Variants in PFKP observed in about 807,000 individuals in gnomAD.
PFKP encodes the protein phosphofructokinase, platelet.
Under a neutral mutation model 94.3 loss-of-function variants are expected in PFKP, and 101 were observed. The observed-to-expected ratio is 1.07, with a 90% CI of 0.91 to 1.26. The LOEUF is 1.26. Ranked by LOEUF, PFKP falls within the 50% of genes most tolerant of loss-of-function variation. The probability of loss-of-function intolerance (pLI) is 0.00; values close to 1 mark genes in which losing one functional copy is unlikely to be tolerated. For missense variants in PFKP, 1,145 were observed against 1,103.3 expected, an observed-to-expected ratio of 1.04 and a Z score of -0.53; for synonymous variants, 573 against 432.6, an observed-to-expected ratio of 1.32 and a Z score of -4.03.
chr10:3,073,632 A>G (rs1034817095), intron 1 of PFKP, among the ~76,000 whole-genome samples: 2 of 151,916 alleles, frequency 1.3e-5, no homozygotes, highest in Admixed American at 1.3e-4. Flanking sequence ...GACTTTGACC[A>G]GGATTTTGAC....
intron 10 of PFKP, among the ~76,000 whole-genome samples, chr10:3,111,826 T>C (rs1293320776): frequency 6.6e-6 from 1 of 152,106 alleles, no homozygotes; most frequent in Non-Finnish European, 1.5e-5. Context: ...GCTGGTGTGT[T>C]CTGTTTTGTT....
chr10:3,086,637 G>C (rs187203277), intron 2 of PFKP, among the ~76,000 whole-genome samples: 67 of 152,280 alleles, frequency 4.4e-4, no homozygotes, highest in African/African-American at 1.5e-3. Context: ...CAAGGCCGAG[G>C]GACCCTGCAC....
intron 16 of PFKP, among the ~76,000 whole-genome samples, chr10:3,127,599 T>C (rs902350689): frequency 2.0e-5 from 3 of 152,154 alleles, no homozygotes; most frequent in African/African-American, 7.2e-5. Context: ...TTAGATCACA[T>C]TTAGAGAGAC....
At chr10:3,115,280 A>G (rs1003760804) in intron 13 of PFKP, among the ~76,000 whole-genome samples, 1,717 of 74,436 alleles carry the variant, frequency 0.023, 115 homozygotes, top group African/African-American at 0.095. Flanking sequence ...TGTGTGTCCC[A>G]CGGCGGAGGA....
intron 16 of PFKP, among the ~76,000 whole-genome samples, chr10:3,128,676 G>A (rs899153904): frequency 2.1e-4 from 32 of 152,296 alleles, no homozygotes; most frequent in African/African-American, 7.2e-4. Context: ...TCCCGCTCCA[G>A]GGCCTTCAGC....
intron 17 of PFKP, among the ~76,000 whole-genome samples, chr10:3,131,623 A>AT (rs1419036541): frequency 6.6e-6 from 1 of 151,716 alleles, no homozygotes; most frequent in Non-Finnish European, 1.5e-5. Context: ...CGCCTGGCTA[A>AT]TTTTTTGTAT....
At chr10:3,089,782 G>A (rs141203896) in intron 2 of PFKP, among the ~76,000 whole-genome samples, 5,386 of 150,674 alleles carry the variant, frequency 0.036, 129 homozygotes, top group South Asian at 0.085. Context: ...AACTGTAGTC[G>A]CTCCATAGTA....
chr10:3,132,832 T>C (rs9423485), intron 18 of PFKP, among the ~76,000 whole-genome samples: 44,907 of 151,852 alleles, frequency 0.3, 6,844 homozygotes, highest in African/African-American at 0.36. Flanking sequence ...ATAACCAAGG[T>C]GGCTACTGAG....
chr10:3,129,533 C>T, intron 16 of PFKP: 2 of 427,616 alleles, frequency 4.7e-6, no homozygotes, highest in Non-Finnish European at 8.5e-6. Flanking sequence ...TTTCCGTCCC[C>T]TTCTATGGGG....
intron 2 of PFKP, among the ~76,000 whole-genome samples, chr10:3,084,153 G>A (rs563870272): frequency 1.3e-5 from 2 of 152,288 alleles, no homozygotes; most frequent in Admixed American, 6.5e-5. Context: ...ATCAGGCACC[G>A]ACTGAGCTAA....
Position 3,067,684 on chromosome 10 carries a change from T to A in PFKP, c.89T>A (p.Leu30Gln), listed in dbSNP as rs1308796955. ...LSGAGKAIGV[L>Q]TSGGDAQGMN... ...GGGGCCGGCAAGGCCATCGGCGTGC[T>A]GACCAGCGGCGGGGATGCTCAAGGT... Residue 30 changes from leucine to glutamine, a missense_variant, in exon 1 of 22, where the codon CTG becomes CAG. By Grantham distance (113) the Leu-to-Gln change is moderately radical. Transcript: ENST00000381125. 5.3e-6 allele frequency: 8 copies of A among 1,523,216 alleles called. No individual in the cohort carries two copies. The Admixed American group carries it at 1.6e-4, about 31-fold the overall frequency. 94.4% of individuals were successfully genotyped at this position (1,523,216 alleles called of 1,614,324 possible).
At chr10:3,116,432 C>A (rs1836832467) in intron 13 of PFKP, among the ~76,000 whole-genome samples, 1 of 152,136 alleles carries the variant, frequency 6.6e-6, no homozygotes, top group African/African-American at 2.4e-5. Context: ...GAAATTTTCC[C>A]TTAATCTTTT....
At chr10:3,136,187 C>G (rs1170092759) in intron 21 of PFKP, among the ~76,000 whole-genome samples, 1 of 152,150 alleles carries the variant, frequency 6.6e-6, no homozygotes, top group African/African-American at 2.4e-5. Context: ...ATCGCTTGAA[C>G]CCGGGAGGCA....
chr10:3,114,630 C>A lies in PFKP; in HGVS notation c.1371+1112C>A, dbSNP rs79554756. Among the ~76,000 whole-genome samples, 160 of 152,312 alleles carry A rather than the reference C, an allele frequency of 1.1e-3. 2 individuals carry two copies. The East Asian group carries it at 0.025, about 24-fold the overall frequency. ...TGCCGAGGAGGGCCTGCTGGAGATC[C>A]CCCAGACAGCAATGCTGGGGAAGGT... On this transcript the variant is annotated intron_variant, in intron 13 of 21. Coordinates refer to ENST00000381125, the MANE Select transcript of PFKP (RefSeq NM_002627.5).
rs748743053 is a variant in PFKP at position 3,082,438 on chromosome 10, G to A, written c.163G>A (p.Ala55Thr). Residue 55 changes from alanine to threonine, a missense_variant, in exon 2 of 22, where the codon GCC (alanine) becomes ACC (threonine). Physicochemically the swap from Ala to Thr is moderately conservative, Grantham distance 58. Coordinates refer to ENST00000381125, the MANE Select transcript of PFKP (RefSeq NM_002627.5). Reference sequence around the variant, plus strand: ...GGTGCGCATGGGTATCTACGTGGGGGCCAAGGTGTACTTCATCTACGAGGT... The same window carrying A: ...GGTGCGCATGGGTATCTACGTGGGGACCAAGGTGTACTTCATCTACGAGGT... Reference protein sequence around the residue: ...AVVRMGIYVGAKVYFIYEGYQ... With the variant: ...AVVRMGIYVGTKVYFIYEGYQ... 1 of 1,606,580 alleles carries A rather than the reference G, an allele frequency of 6.2e-7. No individual in the cohort carries two copies. Among genetic ancestry groups the A allele is most frequent in the Admixed American group, 1.7e-5 (1 of 59,606 alleles).
chr10:3,126,588 T>A (rs1205252914), intron 16 of PFKP, among the ~76,000 whole-genome samples: 2 of 152,206 alleles, frequency 1.3e-5, no homozygotes, highest in African/African-American at 4.8e-5. Context: ...GGCCACCGAC[T>A]TCAGCAGAGG....
At chr10:3,115,742 T>C (rs1043557587) in intron 13 of PFKP, among the ~76,000 whole-genome samples, 1 of 152,178 alleles carries the variant, frequency 6.6e-6, no homozygotes, top group African/African-American at 2.4e-5. Flanking sequence ...CCTGAGGGCC[T>C]GAGTGCAGGC....
chr10:3,083,900 C>G (rs1295989555), intron 2 of PFKP, among the ~76,000 whole-genome samples: 1 of 152,176 alleles, frequency 6.6e-6, no homozygotes, highest in Non-Finnish European at 1.5e-5. Context: ...GCCTTGGCCT[C>G]CCAAAATGCT....
At chr10:3,074,811 T>A (rs1832455034) in intron 1 of PFKP, among the ~76,000 whole-genome samples, 1 of 152,162 alleles carries the variant, frequency 6.6e-6, no homozygotes, top group Admixed American at 6.5e-5. Context: ...TTATGGCACC[T>A]GGAATGTGCC....
Sources: gnomAD v4.1 joint callset for allele counts (sites outside exome capture counted in the v4.1 genomes callset) on GRCh38, gnomAD v4.1.1 for gene constraint, MANE v1.5 for transcripts, NCBI Gene and HGNC (gene_info 2026-07-23, HGNC 2026-07-21) for gene names.